The following MCU variants were observed in gnomAD, a reference collection of about 807,000 sequenced individuals.
MCU encodes the protein mitochondrial calcium uniporter.
MCU carries 12 observed loss-of-function variants against 45.2 expected under a neutral mutation model. That is an observed-to-expected ratio of 0.27 (90% CI 0.17 to 0.43). The LOEUF (loss-of-function observed/expected upper bound fraction) is 0.43, where lower values mean the gene tolerates loss of function less well. Ranked by LOEUF, MCU falls within the 20% of genes least tolerant of loss-of-function variation. MCU has a pLI of 1.00. For synonymous variants in MCU, 160 were observed against 165.1 expected, an observed-to-expected ratio of 0.97 and a Z score of 0.24; for missense variants, 324 against 436.7, an observed-to-expected ratio of 0.74 and a Z score of 2.30.
At chr10:72,776,651 G>C (rs1218348754) in intron 1 of MCU, among the ~76,000 whole-genome samples, 1 of 152,158 alleles carries the variant, frequency 6.6e-6, no homozygotes, top group African/African-American at 2.4e-5. Context: ...TCTCTTAGGA[G>C]TGGAAGAAGA....
At chr10:72,852,912 A>T (rs1161604563) in intron 2 of MCU, among the ~76,000 whole-genome samples, 1 of 152,242 alleles carries the variant, frequency 6.6e-6, no homozygotes, top group Non-Finnish European at 1.5e-5. Flanking sequence ...GTAGAGAGAT[A>T]GCCTTGGACA....
At chr10:72,692,847 A>G in intron 1 of MCU, 3 of 1,428,660 alleles carry the variant, frequency 2.1e-6, no homozygotes, top group Non-Finnish European at 2.7e-6. Context: ...TCGGGCAGGA[A>G]GGAAAATCAA....
At chr10:72,879,766 C>G (rs759082976) in intron 6 of MCU, among the ~76,000 whole-genome samples, 15 of 152,162 alleles carry the variant, frequency 9.9e-5, no homozygotes, top group Admixed American at 3.9e-4. Flanking sequence ...CAACAACAGG[C>G]CGGGCTAAGT....
chr10:72,751,999 T>G (rs146026742), intron 1 of MCU, among the ~76,000 whole-genome samples: 1 of 151,632 alleles, frequency 6.6e-6, no homozygotes, highest in African/African-American at 2.4e-5. Flanking sequence ...GCCACCACGC[T>G]GAGCCAATTT....
chr10:72,751,341 C>CTTTTTTTTTTTTTTTTTTTTTTTTTTTT (rs71021528), intron 1 of MCU, among the ~76,000 whole-genome samples: 2 of 44,742 alleles, frequency 4.5e-5, no homozygotes, highest in African/African-American at 1.7e-4. Context: ...TCTTCTTCTT[C>CTTTTTTTTTTTTTTTTTTTTTTTTTTTT]TTTTTTTTTT....
intron 2 of MCU, among the ~76,000 whole-genome samples, chr10:72,849,914 TC>T (rs146828810): frequency 8.7e-6 from 1 of 114,664 alleles, no homozygotes. Flanking sequence ...ATTATCTTTT[TC>T]TTTTTTTTTT....
chr10:72,724,221 G>A (rs1344743939), intron 1 of MCU, among the ~76,000 whole-genome samples: 1 of 152,162 alleles, frequency 6.6e-6, no homozygotes, highest in African/African-American at 2.4e-5. Flanking sequence ...ATTCCTTGAA[G>A]TAGAAGGTAT....
chr10:72,819,727 C>CTTTTT (rs71021538), intron 1 of MCU, among the ~76,000 whole-genome samples: 97 of 102,574 alleles, frequency 9.5e-4, no homozygotes, highest in Non-Finnish European at 1.5e-3. Context: ...TTTTTCCAGT[C>CTTTTT]TTTTTTTTTT....
At chr10:72,746,379 G>C (rs1843414984) in intron 1 of MCU, among the ~76,000 whole-genome samples, 2 of 152,172 alleles carry the variant, frequency 1.3e-5, no homozygotes. Flanking sequence ...AAAAAACAAA[G>C]ATTTTTCGTA....
intron 1 of MCU, among the ~76,000 whole-genome samples, chr10:72,808,964 G>A (rs1002547303): frequency 5.9e-5 from 9 of 152,194 alleles, no homozygotes; most frequent in African/African-American, 2.2e-4. Flanking sequence ...GGGACACAGA[G>A]CCAAACCGTA....
At chr10:72,805,574 A>G (rs1265124612) in intron 1 of MCU, among the ~76,000 whole-genome samples, 1 of 152,028 alleles carries the variant, frequency 6.6e-6, no homozygotes, top group African/African-American at 2.4e-5. Context: ...ATGACAGAGA[A>G]CTTCCATTTT....
chr10:72,859,345 C>A lies in MCU; in HGVS notation c.389C>A (p.Pro130Gln). The part of the protein sequence containing the change: ...RGIDRVAIYS[P>Q]DGVRVAASTG... ...ATTGACAGAGTTGCTATCTATTCACCAGGTATAGTCACCATCATTATTAAT... is the reference window on the plus strand; with the variant it reads ...ATTGACAGAGTTGCTATCTATTCACAAGGTATAGTCACCATCATTATTAAT... Residue 130 changes from proline to glutamine, a missense_variant and splice_region_variant, in exon 3 of 8, where the codon CCA (proline) becomes CAA (glutamine). Pro to Gln is a moderately conservative substitution (Grantham distance 76). Coordinates refer to ENST00000373053, the MANE Select transcript of MCU (RefSeq NM_138357.3). The A allele has an allele frequency of 6.2e-7, 1 of 1,605,166 alleles. No homozygotes were observed. The highest frequency in any genetic ancestry group is 1.1e-5 in the South Asian group (1 of 89,580).
chr10:72,733,992 A>T (rs545693330), intron 1 of MCU, among the ~76,000 whole-genome samples: 2 of 151,914 alleles, frequency 1.3e-5, no homozygotes, highest in Admixed American at 1.3e-4. Flanking sequence ...TCCAAGAAGG[A>T]AAGAAAAACT....
chr10:72,885,868 C>A lies in MCU; in HGVS notation c.*46C>A. The A allele has an allele frequency of 1.3e-6, 2 of 1,515,308 alleles. No individual in the cohort carries two copies. Among genetic ancestry groups the A allele is most frequent in the Non-Finnish European group, 9.2e-7 (1 of 1,091,798 alleles). 93.9% of individuals were successfully genotyped at this position (1,515,308 alleles called of 1,614,324 possible). The stretch of plus-strand genomic sequence containing the variant: ...CCTGGCAGAAGGAACACCTGTTTGC[C>A]TTTTTAATTAAAGCATTGCAGGTGG... On this transcript the variant is annotated 3_prime_UTR_variant, in exon 8 of 8. Coordinates refer to ENST00000373053, the MANE Select transcript of MCU (RefSeq NM_138357.3).
chr10:72,882,421 T>C (rs1045939664), intron 6 of MCU, among the ~76,000 whole-genome samples: 1 of 152,218 alleles, frequency 6.6e-6, no homozygotes, highest in Non-Finnish European at 1.5e-5. Flanking sequence ...GGGAGAAATA[T>C]CGCTGAATTC....
At chr10:72,767,535 A>G (rs1843745782) in intron 1 of MCU, among the ~76,000 whole-genome samples, 1 of 151,918 alleles carries the variant, frequency 6.6e-6, no homozygotes, top group Non-Finnish European at 1.5e-5. Flanking sequence ...TTTTGTAGAG[A>G]TGAGGTCTCA....
chr10:72,779,787 G>T (rs1843961103), intron 1 of MCU, among the ~76,000 whole-genome samples: 1 of 152,188 alleles, frequency 6.6e-6, no homozygotes, highest in South Asian at 2.1e-4. Context: ...ACAAGTGTTA[G>T]TGAGGGTATG....
chr10:72,781,089 CTG>C (rs892614902), intron 1 of MCU, among the ~76,000 whole-genome samples: 2 of 152,112 alleles, frequency 1.3e-5, no homozygotes, highest in African/African-American at 2.4e-5. Context: ...AATTGGAACA[CTG>C]TAGTGGGCAG....
rs1845778081 is a variant in MCU at position 72,886,555 on chromosome 10, G to A, written c.*733G>A. ...TGGTTTTGTTTTGTTTTATTAATTA[G>A]TCTTTCACAGGAGGAATAATTGCCC... On this transcript the variant is annotated 3_prime_UTR_variant, in exon 8 of 8. Transcript: ENST00000373053. 1 of 152,260 alleles carries A rather than the reference G, an allele frequency of 6.6e-6. No homozygotes were observed. The allele number at this position is 152,260 out of a possible 1,614,324, so 9.4% of individuals were successfully genotyped here.
Sources: allele counts gnomAD v4.1 joint callset (sites outside exome capture counted in the v4.1 genomes callset), GRCh38; gene constraint gnomAD v4.1.1; transcripts MANE v1.5; gene names NCBI Gene and HGNC (gene_info 2026-07-23, HGNC 2026-07-21).